Variants in SBNO2 observed in about 807,000 individuals in gnomAD.
The protein encoded by SBNO2 is protein strawberry notch homolog 2.
A neutral mutation model predicts 146.3 loss-of-function variants in SBNO2; 89 were observed. The ratio of observed to expected loss-of-function variants is 0.61; its 90% CI spans 0.51 to 0.73. SBNO2 has a LOEUF of 0.73. Ranked by LOEUF, SBNO2 falls within the 30% of genes least tolerant of loss-of-function variation. The pLI, the probability that SBNO2 is intolerant of heterozygous loss-of-function variation, is 0.00. For synonymous variants in SBNO2, 1,147 were observed against 892.6 expected (o/e 1.29, Z -5.08); for missense variants, 2,092 against 2,003.7 (o/e 1.04, Z -0.84).
intron 4 of SBNO2, among the ~76,000 whole-genome samples, chr19:1,134,674 G>T (rs117326647): frequency 8.5e-5 from 13 of 152,176 alleles, no homozygotes; most frequent in Non-Finnish European, 1.2e-4. Context: ...GATGGGAACG[G>T]GGCTTCCTGT....
rs1313966317 is a variant in SBNO2, at chr19:1,110,885, C to T, written c.2888G>A (p.Cys963Tyr). 1 of 1,613,650 alleles carries T rather than the reference C, an allele frequency of 6.2e-7. No homozygotes were observed. Among genetic ancestry groups the T allele is most frequent in the Non-Finnish European group, 8.5e-7 (1 of 1,179,718 alleles). ...GCGGTTCAGGAACTTGGTGATGGAA[C>T]AGTCTGGTAGGGGAGGGAGCCAAGC... ...RNGCLDVEKDCSITKFLNRIL... is the reference protein window; with the variant it reads ...RNGCLDVEKDYSITKFLNRIL... Residue 963 changes from cysteine to tyrosine, a missense_variant, in exon 26 of 32, where the codon TGT becomes TAT. Transcript: ENST00000361757. The surrounding 1 kb of genome is among the most constrained non-coding windows in gnomAD (Gnocchi z 4.9).
At position 1,119,056 on chromosome 19, in the gene SBNO2, C is replaced by T. The variant is rs201301031; in HGVS notation, c.1482G>A (p.Pro494=). 512 of 1,605,108 alleles carry T rather than the reference C, an allele frequency of 3.2e-4. 1 individual carries two copies. Among genetic ancestry groups the T allele is most frequent in the Admixed American group, 1.2e-4 (7 of 59,274 alleles). ...AGACGCACTCGAAGGCTGGGGCCAG[C>T]GGGATCTCCTCGATGCGGAAGGTGA... The part of the protein sequence containing the change: ...SGVTFRIEEI[P]LAPAFECVYN... The change falls in exon 14 of 32, where the codon CCG becomes CCA. Residue 494 remains proline (P), a synonymous_variant. Coordinates refer to ENST00000361757, the MANE Select transcript of SBNO2 (RefSeq NM_014963.3).
rs570852905 is a variant in SBNO2, at chr19:1,163,092, G to A, written c.-126-8690C>T. On this transcript the variant is annotated intron_variant, in intron 1 of 31. Transcript: ENST00000361757. ...TGCAAGAGGGAGTGCCAGGGACAGA[G>A]AGGGCACCGGGGTGACTACAGTCCC... Among the ~76,000 whole-genome samples, 3 of 152,354 alleles carry A rather than the reference G, an allele frequency of 2.0e-5. No individual in the cohort carries two copies. In the East Asian group the frequency reaches 5.8e-4, roughly 29 times the overall value.
rs967309341 is a variant in SBNO2 at position 1,173,204 on chromosome 19, G to A, written c.-127+968C>T. 1.3e-5 allele frequency among the ~76,000 whole-genome samples: 2 copies of A among 152,062 alleles called. No individual in the cohort carries two copies. The highest frequency in any genetic ancestry group is 2.4e-5 in the African/African-American group (1 of 41,410). On this transcript the variant is annotated intron_variant, in intron 1 of 31. Coordinates refer to ENST00000361757, the MANE Select transcript of SBNO2 (RefSeq NM_014963.3). This position sits in a 1 kb window ranked among gnomAD's most constrained non-coding sequence, Gnocchi z 4.7. The stretch of plus-strand genomic sequence containing the variant: ...CTTCGGGACTCTGGGGTGGTGGGAA[G>A]AGTGCCCTACGGGGGACAGGACCCA...
rs948375143 is a variant in SBNO2 at position 1,117,623 on chromosome 19, G to A, written c.1528-124C>T. The A allele has an allele frequency of 3.2e-6, 3 of 934,962 alleles. No homozygotes were observed. The South Asian group carries it at 5.1e-5, about 16-fold the overall frequency. The allele number at this position is 934,962 out of a possible 1,614,324, so 57.9% of individuals were successfully genotyped here. A position where few individuals can be genotyped will look rare whatever the true frequency, so the allele number is the denominator to read the frequency against. ...CGCCAGGTGGAATTTAGGGCAGGATGGGGGTGCTGGGGGTGTGCACTGTAA... is the reference window on the plus strand; with the variant it reads ...CGCCAGGTGGAATTTAGGGCAGGATAGGGGTGCTGGGGGTGTGCACTGTAA... On this transcript the variant is annotated intron_variant, in intron 14 of 31. Coordinates refer to ENST00000361757, the MANE Select transcript of SBNO2 (RefSeq NM_014963.3).
At chr19:1,116,668 G>C (rs189835810) in intron 16 of SBNO2, among the ~76,000 whole-genome samples, 161 bp downstream of exon 16, 1,918 of 152,250 alleles carry the variant, frequency 0.013, 33 homozygotes, top group Non-Finnish European at 0.014. Flanking sequence ...ACCTGGAGCA[G>C]CGGTGAAGGC....
At position 1,110,048 on chromosome 19, in the gene SBNO2, C is replaced by T. The variant is rs2079736932; in HGVS notation, c.3029-271G>A. On this transcript the variant is annotated intron_variant, in intron 26 of 31. Transcript: ENST00000361757. The surrounding 1 kb of genome is among the most constrained non-coding windows in gnomAD (Gnocchi z 4.9). The stretch of plus-strand genomic sequence containing the variant: ...CAGGTCCTATGTAACCCCGAGCAGG[C>T]TGTGGGGGATCGTGGGAGCCTGGGG... Among the ~76,000 whole-genome samples the T allele has an allele frequency of 6.6e-6, 1 of 151,348 alleles. No individual in the cohort carries two copies. The highest frequency in any genetic ancestry group is 6.6e-5 in the Admixed American group (1 of 15,236).
chr19:1,120,271 A>C (rs763992191), intron 11 of SBNO2: 2 of 514,014 alleles, frequency 3.9e-6, no homozygotes, highest in African/African-American at 3.8e-5. Context: ...AACAACACAC[A>C]CCGAGGATGG....
intron 4 of SBNO2, among the ~76,000 whole-genome samples, chr19:1,139,189 A>G (rs1160710323): frequency 6.6e-6 from 1 of 152,214 alleles, no homozygotes; most frequent in Admixed American, 6.5e-5. Flanking sequence ...ACCCAGCCAT[A>G]GCTCGGATGT....
chr19:1,130,822 T>C (rs1184070433), intron 4 of SBNO2, among the ~76,000 whole-genome samples: 1 of 152,150 alleles, frequency 6.6e-6, no homozygotes, highest in African/African-American at 2.4e-5. Flanking sequence ...GAAAGTCTAA[T>C]AATGAGGGAG....
In SBNO2 at chr19:1,147,433, G is replaced by GGA. The variant is rs771219697; in HGVS notation, c.168-14_168-13insTC. 9.3e-4 allele frequency: 465 copies of GGA among 498,652 alleles called. 23 individuals carry two copies. Among genetic ancestry groups the GGA allele is most frequent in the Middle Eastern group, 1.3e-3 (2 of 1,482 alleles). 30.9% of individuals were successfully genotyped at this position (498,652 alleles called of 1,614,324 possible). On this transcript the variant is annotated splice_polypyrimidine_tract_variant and intron_variant, in intron 3 of 31. Coordinates refer to ENST00000361757, the MANE Select transcript of SBNO2 (RefSeq NM_014963.3). The stretch of plus-strand genomic sequence containing the variant: ...GCTCATGAACGGGCTGGAGGGAGAT[G>GGA]GGGGGGGGGGAGGTGAGATGGGGTG...
chr19:1,156,283 G>A (rs1240515789), intron 1 of SBNO2, among the ~76,000 whole-genome samples: 1 of 152,130 alleles, frequency 6.6e-6, no homozygotes, highest in African/African-American at 2.4e-5. Context: ...GTTCTTCAAG[G>A]GGAGGGCTTC....
intron 15 of SBNO2, 100 bp from the exon 16 acceptor site, chr19:1,117,026 T>G: frequency 5.3e-6 from 6 of 1,135,212 alleles, no homozygotes; most frequent in Non-Finnish European, 7.5e-6. Context: ...TCCCTCACTC[T>G]GCTGCTGTGC....
chr19:1,164,392 G>A (rs113530066), intron 1 of SBNO2, among the ~76,000 whole-genome samples: 7 of 116,212 alleles, frequency 6.0e-5, no homozygotes, highest in Non-Finnish European at 9.3e-5. Flanking sequence ...GGAGACAGGA[G>A]GAGGAGGAGG....
At chr19:1,128,866 G>A (rs1306632696) in intron 4 of SBNO2, among the ~76,000 whole-genome samples, 1 of 151,918 alleles carries the variant, frequency 6.6e-6, no homozygotes, top group African/African-American at 2.4e-5. Flanking sequence ...TACTCGGGGG[G>A]CTGAGGCGGG....
intron 4 of SBNO2, among the ~76,000 whole-genome samples, chr19:1,138,114 T>G (rs1322464815): frequency 2.1e-4 from 1 of 4,770 alleles, no homozygotes; most frequent in Non-Finnish European, 4.1e-4. Flanking sequence ...CGGGCTGGGG[T>G]GCGGTGGGGG....
chr19:1,159,010 C>CGACCCCACCTGCAGCCAT (rs1289277126), intron 1 of SBNO2, among the ~76,000 whole-genome samples: 7 of 147,340 alleles, frequency 4.8e-5, no homozygotes, highest in African/African-American at 1.0e-4. Context: ...CCTGCACCCG[C>CGACCCCACCTGCAGCCAT]GACCCCACCT....
chr19:1,113,821 G>T, intron 18 of SBNO2, 117 bp from the exon 19 acceptor site: 1 of 1,288,848 alleles, frequency 7.8e-7, no homozygotes, highest in East Asian at 3.1e-5. Context: ...CCTGAGGGAC[G>T]GCAGGGTGGC....
intron 4 of SBNO2, among the ~76,000 whole-genome samples, chr19:1,128,813 C>G (rs549794419): frequency 1.3e-5 from 2 of 151,812 alleles, no homozygotes; most frequent in South Asian, 4.2e-4. Context: ...ACTAAAAATA[C>G]AAAAATTAGC....
Sources: allele counts gnomAD v4.1 joint callset (sites outside exome capture counted in the v4.1 genomes callset), GRCh38; gene constraint gnomAD v4.1.1; non-coding constraint Gnocchi (gnomAD v3.1); transcripts MANE v1.5; gene names NCBI Gene and HGNC (gene_info 2026-07-23, HGNC 2026-07-21).